BMI1: variants seen among roughly 807,000 people sequenced by gnomAD.
BMI1 encodes the protein BMI1 proto-oncogene, polycomb ring finger.
BMI1 carries 9 observed loss-of-function variants against 39.1 expected under a neutral mutation model. The observed-to-expected ratio is 0.23, with a 90% CI of 0.14 to 0.40. The LOEUF (loss-of-function observed/expected upper bound fraction) is 0.40. BMI1 is among the 10% of genes least tolerant of loss of function. BMI1 has a pLI of 1.00. For missense variants in BMI1, 252 were observed against 390.8 expected (o/e 0.64, Z 2.99); for synonymous variants, 131 against 127.9 (o/e 1.02, Z -0.16).
At chr10:22,322,797 A>G (rs926686908) in intron 1 of BMI1, among the ~76,000 whole-genome samples, 3 of 152,238 alleles carry the variant, frequency 2.0e-5, no homozygotes, top group Admixed American at 6.5e-5. Flanking sequence ...AGAAAAGAGC[A>G]CTAAAAAGTT....
Position 22,327,502 on chromosome 10 carries a change from ATAT to A in BMI1, c.210-89_210-87del, listed in dbSNP as rs1220952985. 61 of 1,297,244 alleles carry A rather than the reference ATAT, an allele frequency of 4.7e-5. No individual in the cohort carries two copies. The Middle Eastern group carries it at 1.1e-3, about 24-fold the overall frequency. 80.4% of individuals were successfully genotyped at this position (1,297,244 alleles called of 1,614,324 possible). On this transcript the variant is annotated intron_variant, in intron 3 of 9. Coordinates refer to ENST00000376663, the MANE Select transcript of BMI1 (RefSeq NM_005180.9). ...ATAGACAGCATCACAATCAAGTAAA[ATAT>A]TATAGCACAAAAGAAGACTATAGAA... is the stretch of plus-strand genomic sequence containing the variant.
chr10:22,323,388 G>C (rs1836056317), intron 1 of BMI1, among the ~76,000 whole-genome samples: 1 of 152,122 alleles, frequency 6.6e-6, no homozygotes, highest in South Asian at 2.1e-4. Context: ...CCATATACAA[G>C]TCACTTTGTA....
At position 22,327,949 on chromosome 10, in the gene BMI1, G is replaced by C; in HGVS notation, c.317-1G>C. The C allele has an allele frequency of 6.3e-7, 1 of 1,595,282 alleles. No individual in the cohort carries two copies. Among genetic ancestry groups the C allele is most frequent in the Non-Finnish European group, 8.5e-7 (1 of 1,175,046 alleles). ...AATTACATTTCACTATATCGTTATA[G>C]CTGCCAATGGCTCTAATGAAGATAG... On this transcript the variant is annotated splice_acceptor_variant, in intron 5 of 9. Transcript: ENST00000376663. LOFTEE classifies it high-confidence loss of function.
rs771513826 is a variant in BMI1, at chr10:22,329,205, C to T, written c.652-8C>T. 9 of 1,610,816 alleles carry T rather than the reference C, an allele frequency of 5.6e-6. No individual in the cohort carries two copies. The highest frequency in any genetic ancestry group is 2.2e-5 in the South Asian group (2 of 90,496). On this transcript the variant is annotated splice_polypyrimidine_tract_variant and splice_region_variant and intron_variant, in intron 9 of 9. Transcript: ENST00000376663. ...TTAAGAGTAATTTTTTTCCTTTTAA[C>T]TTTGTAGAATGGTCCACTTCCATTG...
intron 1 of BMI1, among the ~76,000 whole-genome samples, chr10:22,324,803 G>A (rs1007988892): frequency 6.6e-6 from 1 of 152,204 alleles, no homozygotes; most frequent in East Asian, 1.9e-4. Flanking sequence ...AAGAAGGGGG[G>A]TTGAAGTTTA....
In BMI1 at chr10:22,329,371, T is replaced by G. The variant is rs1384860579; in HGVS notation, c.810T>G (p.Ser270=). The G allele has an allele frequency of 6.2e-7, 1 of 1,614,176 alleles. No individual in the cohort carries two copies. The highest frequency in any genetic ancestry group is 1.3e-5 in the African/African-American group (1 of 75,032). ...CAGGAGGTATTCCCTCCACCTCTTCTTGTTTGCCTAGCCCCAGTACTCCAG... is the reference window on the plus strand; with the variant it reads ...CAGGAGGTATTCCCTCCACCTCTTCGTGTTTGCCTAGCCCCAGTACTCCAG... ...SPAGGIPSTS[S]CLPSPSTPVQ... The change falls in exon 10 of 10, where the codon TCT becomes TCG. Residue 270 remains serine (S), a synonymous_variant. Coordinates refer to ENST00000376663, the MANE Select transcript of BMI1 (RefSeq NM_005180.9).
At position 22,326,859 on chromosome 10, in the gene BMI1, CAT is replaced by C. The variant is rs755140470; in HGVS notation, c.113-29_113-28del. On this transcript the variant is annotated intron_variant, in intron 2 of 9. Coordinates refer to ENST00000376663, the MANE Select transcript of BMI1 (RefSeq NM_005180.9). ...AATGATTTATCCACTCATTTCTAAA[CAT>C]AAAAAAACTTCACATGTTCTACTTC... 4.4e-6 allele frequency: 7 copies of C among 1,608,804 alleles called. No homozygotes were observed. The South Asian group carries it at 4.5e-5, about 10-fold the overall frequency.
At position 22,327,799 on chromosome 10, in the gene BMI1, C is replaced by T; in HGVS notation, c.316+7C>T. The T allele has an allele frequency of 6.2e-7, 1 of 1,613,042 alleles. No homozygotes were observed. The highest frequency in any genetic ancestry group is 8.5e-7 in the Non-Finnish European group (1 of 1,179,512). On this transcript the variant is annotated splice_region_variant and intron_variant, in intron 5 of 9. Coordinates refer to ENST00000376663, the MANE Select transcript of BMI1 (RefSeq NM_005180.9). ...GCTCATCCTTCTGCTGATGGTAAAC[C>T]TTTTAGGGGAGGGAAGACATTTTAT...
intron 5 of BMI1, 63 bp downstream of exon 5, chr10:22,327,855 TG>T: frequency 6.2e-7 from 1 of 1,602,596 alleles, no homozygotes; most frequent in Non-Finnish European, 8.5e-7. Context: ...GGAATTAAAA[TG>T]TATTAAAATT....
Position 22,329,705 on chromosome 10 carries a change from TC to T in BMI1, c.*165del, listed in dbSNP as rs771458541. 2.7e-5 allele frequency: 21 copies of T among 766,606 alleles called. No individual in the cohort carries two copies. The highest frequency in any genetic ancestry group is 3.6e-5 in the Non-Finnish European group (18 of 498,608). 47.5% of individuals were successfully genotyped at this position (766,606 alleles called of 1,614,324 possible). A position where few individuals can be genotyped will look rare whatever the true frequency, so the allele number is the denominator to read the frequency against. ...ATAAAAGATGGACTACATGTGATAC[TC>T]CTATGGACGTTAATTGAAAAGAAAG... On this transcript the variant is annotated 3_prime_UTR_variant, in exon 10 of 10. Transcript: ENST00000376663.
At chr10:22,331,682 A>G (rs997862015), downstream of BMI1, among the ~76,000 whole-genome samples, 2 of 152,200 alleles carry the variant, frequency 1.3e-5, no homozygotes, top group South Asian at 2.1e-4. Context: ...AGTTATCAAC[A>G]TGGAATTCAA....
At chr10:22,322,078 C>T (rs575574636) in intron 1 of BMI1, 4 of 151,930 alleles carry the variant, frequency 2.6e-5, no homozygotes, top group South Asian at 4.1e-4. Flanking sequence ...CCGGGCGCCC[C>T]TCCGCACCCT....
chr10:22,328,294 G>A, intron 7 of BMI1, 115 bp downstream of exon 7: 1 of 1,205,208 alleles, frequency 8.3e-7, no homozygotes. Context: ...AAATGGTCAT[G>A]TTTAATGTTT....
At position 22,327,620 on chromosome 10, in the gene BMI1, G is replaced by A; in HGVS notation, c.235G>A (p.Val79Ile). Reference protein sequence around the residue: ...IRSDKTLQDIVYKLVPGLFKN... With the variant: ...IRSDKTLQDIIYKLVPGLFKN... Reference sequence around the variant, plus strand: ...GTCAGATAAAACTCTCCAAGATATTGTATACAAATTAGTTCCAGGGCTTTT... The same window carrying A: ...GTCAGATAAAACTCTCCAAGATATTATATACAAATTAGTTCCAGGGCTTTT... The change falls in exon 4 of 10, where the codon GTA becomes ATA. Residue 79 changes from valine (V) to isoleucine (I), a missense_variant. Val to Ile is a conservative substitution (Grantham distance 29, BLOSUM62 3). Coordinates refer to ENST00000376663, the MANE Select transcript of BMI1 (RefSeq NM_005180.9). The A allele has an allele frequency of 6.2e-7, 1 of 1,611,882 alleles. No individual in the cohort carries two copies. Among genetic ancestry groups the A allele is most frequent in the Non-Finnish European group, 8.5e-7 (1 of 1,178,916 alleles).
rs1460892565 is a variant in BMI1 at position 22,321,117 on chromosome 10, A to C, written c.-599A>C. 6.7e-6 allele frequency: 1 copy of C among 149,856 alleles called. No homozygotes were observed. Among genetic ancestry groups the C allele is most frequent in the African/African-American group, 2.5e-5 (1 of 40,744 alleles). The allele number at this position is 149,856 out of a possible 1,614,324, so 9.3% of individuals were successfully genotyped here. On this transcript the variant is annotated 5_prime_UTR_variant, in exon 1 of 10. Transcript: ENST00000376663. ...CGGTGTCAGTTTCCACTCTGCCTTC[A>C]GCGGTGCATTTTTTTCCACCCTCCC...
chr10:22,326,694 G>C, intron 2 of BMI1, 133 bp downstream of exon 2: 1 of 1,415,938 alleles, frequency 7.1e-7, no homozygotes, highest in Non-Finnish European at 9.5e-7. Context: ...TTCTTCTCTT[G>C]CATCTAATGA....
intron 1 of BMI1, among the ~76,000 whole-genome samples, chr10:22,325,331 T>C (rs1836108204): frequency 6.6e-6 from 1 of 152,190 alleles, no homozygotes; most frequent in Non-Finnish European, 1.5e-5. Context: ...ACCGAGTGAT[T>C]GCAGACAGGA....
chr10:22,326,818 C>T, intron 2 of BMI1, 72 bp from the exon 3 acceptor site: 3 of 1,560,212 alleles, frequency 1.9e-6, no homozygotes, highest in Admixed American at 1.8e-5. Context: ...TCTACTAGTT[C>T]TGGGTTTCTA....
In BMI1 at chr10:22,326,418, C is replaced by T; in HGVS notation, c.-19-13C>T. On this transcript the variant is annotated splice_polypyrimidine_tract_variant and intron_variant, in intron 1 of 9. Transcript: ENST00000376663. ...GTTCTGTGAATTATGGCCATTATTT[C>T]TGTGTCTTGCAGGATTTTTTATCAA... 6.2e-7 allele frequency: 1 copy of T among 1,609,842 alleles called. No homozygotes were observed. The highest frequency in any genetic ancestry group is 8.5e-7 in the Non-Finnish European group (1 of 1,179,836).
Sources: gnomAD v4.1 joint callset for allele counts (sites outside exome capture counted in the v4.1 genomes callset) on GRCh38, gnomAD v4.1.1 for gene constraint, MANE v1.5 for transcripts, NCBI Gene and HGNC (gene_info 2026-07-23, HGNC 2026-07-21) for gene names.